The following GPC6 variants were observed in gnomAD, a reference collection of about 807,000 sequenced individuals.
GPC6 encodes the protein glypican 6.
In GPC6, 14 loss-of-function variants were observed where a neutral mutation model predicts 55.2. The observed-to-expected ratio is 0.25, with a 90% CI of 0.17 to 0.40. The LOEUF (loss-of-function observed/expected upper bound fraction) is 0.40. GPC6 is among the 10% of genes least tolerant of loss of function. The pLI is 1.00. For synonymous variants in GPC6, 278 were observed against 259.6 expected (o/e 1.07, Z -0.68); for missense variants, 641 against 708.5 (o/e 0.90, Z 1.08).
intron 1 of GPC6, among the ~76,000 whole-genome samples, chr13:93,232,357 G>A (rs1055200232): frequency 6.6e-6 from 1 of 152,088 alleles, no homozygotes; most frequent in East Asian, 1.9e-4. Context: ...TTTTTGTAAT[G>A]ATTCTACAAG....
intron 3 of GPC6, among the ~76,000 whole-genome samples, chr13:93,912,576 T>C (rs2140337295): frequency 6.6e-6 from 1 of 152,102 alleles, no homozygotes. Context: ...ACCCCATCTC[T>C]ACTAAAAATA....
intron 6 of GPC6, among the ~76,000 whole-genome samples, chr13:94,351,460 A>G (rs538728592): frequency 1.3e-5 from 2 of 152,230 alleles, no homozygotes; most frequent in South Asian, 2.1e-4. Flanking sequence ...AAACAAAGCA[A>G]TAGGAAAGAA....
chr13:94,125,296 A>G (rs1027476561), intron 4 of GPC6, among the ~76,000 whole-genome samples: 2 of 152,076 alleles, frequency 1.3e-5, no homozygotes, highest in African/African-American at 4.8e-5. Flanking sequence ...TTGTATCTCA[A>G]AAAAAGGAAC....
At chr13:94,108,077 T>G (rs1171443654) in intron 4 of GPC6, among the ~76,000 whole-genome samples, 1 of 152,088 alleles carries the variant, frequency 6.6e-6, no homozygotes, top group Admixed American at 6.6e-5. Context: ...TTACAAAAGA[T>G]ACTTAAACAT....
intron 3 of GPC6, among the ~76,000 whole-genome samples, chr13:93,879,211 T>A (rs1032115147): frequency 6.6e-6 from 1 of 152,136 alleles, no homozygotes; most frequent in Admixed American, 6.6e-5. Flanking sequence ...TTCTCTGTAT[T>A]GGTGATTTTA....
intron 4 of GPC6, among the ~76,000 whole-genome samples, chr13:94,202,797 G>A (rs917623252): frequency 7.9e-5 from 12 of 152,114 alleles, no homozygotes; most frequent in South Asian, 2.1e-4. Context: ...TGGTATTTAC[G>A]AAGGTGAAGT....
chr13:94,363,087 G>A (rs892150039), intron 6 of GPC6, among the ~76,000 whole-genome samples: 3 of 151,828 alleles, frequency 2.0e-5, no homozygotes, highest in Non-Finnish European at 4.4e-5. Context: ...TGCCCTTCCC[G>A]TGTCCATGTG....
intron 3 of GPC6, among the ~76,000 whole-genome samples, chr13:93,939,643 T>C (rs1345003824): frequency 4.0e-5 from 6 of 151,854 alleles, no homozygotes; most frequent in Non-Finnish European, 8.8e-5. Context: ...GAGATGGGGG[T>C]CACACTATGT....
At chr13:93,807,120 C>A (rs1329314718) in intron 2 of GPC6, among the ~76,000 whole-genome samples, 2 of 152,166 alleles carry the variant, frequency 1.3e-5, no homozygotes, top group Non-Finnish European at 2.9e-5. Context: ...CTGTTCTTAG[C>A]ATTGTATAGC....
intron 3 of GPC6, among the ~76,000 whole-genome samples, chr13:94,009,479 A>G (rs1325752168): frequency 6.6e-6 from 1 of 152,182 alleles, no homozygotes; most frequent in Non-Finnish European, 1.5e-5. Flanking sequence ...GGCATTATGC[A>G]CCACATGACA....
At chr13:94,243,215 A>G (rs1446310174) in intron 4 of GPC6, among the ~76,000 whole-genome samples, 1 of 152,078 alleles carries the variant, frequency 6.6e-6, no homozygotes, top group African/African-American at 2.4e-5. Context: ...AATTAGAATG[A>G]CTAATACTGA....
intron 3 of GPC6, among the ~76,000 whole-genome samples, chr13:94,025,784 G>C (rs985540543): frequency 1.3e-5 from 2 of 152,038 alleles, no homozygotes; most frequent in African/African-American, 4.8e-5. Flanking sequence ...ATAAAGAAAG[G>C]CCAATTATAT....
rs564607087 is a variant in GPC6, at chr13:93,825,946, C to T, written c.320-4208C>T. Among the ~76,000 whole-genome samples the T allele has an allele frequency of 2.7e-5, 4 of 150,834 alleles. No homozygotes were observed. In the East Asian group the frequency reaches 7.8e-4, roughly 29 times the overall value. ...TAGGATCTCAGCTCATTGCAACCTC[C>T]GCTTCCTGGGTTCAAGTGATTCTCC... On this transcript the variant is annotated intron_variant, in intron 2 of 8. Coordinates refer to ENST00000377047, the MANE Select transcript of GPC6 (RefSeq NM_005708.5).
chr13:93,532,619 C>A (rs904259342), intron 1 of GPC6, among the ~76,000 whole-genome samples: 3 of 152,156 alleles, frequency 2.0e-5, no homozygotes, highest in Non-Finnish European at 2.9e-5. Flanking sequence ...TCCCACACTG[C>A]CCACTCCTCA....
chr13:94,294,163 T>G (rs1875191243), intron 5 of GPC6, among the ~76,000 whole-genome samples: 1 of 152,182 alleles, frequency 6.6e-6, no homozygotes, highest in Non-Finnish European at 1.5e-5. Flanking sequence ...GTTGATAACC[T>G]TCTTCCTATC....
intron 1 of GPC6, among the ~76,000 whole-genome samples, chr13:93,508,382 C>T (rs1247020768): frequency 6.6e-6 from 1 of 152,106 alleles, no homozygotes; most frequent in Non-Finnish European, 1.5e-5. Context: ...TGCAAAATCC[C>T]TGAGGTGGGA....
intron 3 of GPC6, among the ~76,000 whole-genome samples, chr13:93,851,000 C>G (rs1478412689): frequency 1.3e-5 from 2 of 151,950 alleles, no homozygotes; most frequent in Non-Finnish European, 2.9e-5. Flanking sequence ...GTAGGCTGTA[C>G]TTCATTGTAT....
intron 2 of GPC6, among the ~76,000 whole-genome samples, chr13:93,559,878 G>A (rs1875673300): frequency 6.6e-6 from 1 of 152,094 alleles, no homozygotes; most frequent in African/African-American, 2.4e-5. Flanking sequence ...TTTATCCTAA[G>A]GTTCACTAAC....
chr13:93,911,406 C>CTG (rs10566353), intron 3 of GPC6, among the ~76,000 whole-genome samples: 5,305 of 149,998 alleles, frequency 0.035, 114 homozygotes, highest in East Asian at 0.054. Context: ...AGATAATTGA[C>CTG]TGTGTGTGTG....
Sources: gnomAD v4.1 joint callset for allele counts (sites outside exome capture counted in the v4.1 genomes callset) on GRCh38, gnomAD v4.1.1 for gene constraint, MANE v1.5 for transcripts, NCBI Gene and HGNC (gene_info 2026-07-23, HGNC 2026-07-21) for gene names.